Variants in PIEZO2 observed in about 807,000 individuals in gnomAD.
The protein encoded by PIEZO2 is piezo type mechanosensitive ion channel component 2.
Under a neutral mutation model 337.3 loss-of-function variants are expected in PIEZO2, and 172 were observed. The observed-to-expected ratio is 0.51, with a 90% CI of 0.45 to 0.58. The LOEUF (loss-of-function observed/expected upper bound fraction) is 0.58. Among genes scored for constraint, PIEZO2 ranks in the 20% least tolerant of loss-of-function variants. The pLI is 0.00. For synonymous variants in PIEZO2, 1,251 were observed against 1,228.5 expected (o/e 1.02, Z -0.38); for missense variants, 3,028 against 3,391.3 (o/e 0.89, Z 2.66).
At chr18:11,024,997 A>T (rs1426827096) in intron 2 of PIEZO2, among the ~76,000 whole-genome samples, 1 of 151,656 alleles carries the variant, frequency 6.6e-6, no homozygotes, top group African/African-American at 2.4e-5. Context: ...TCCCAAGTTG[A>T]ATGTAGTACA....
In PIEZO2 at chr18:10,748,318, C is replaced by A. The variant is rs547693753; in HGVS notation, c.4424+153G>T. 24 of 729,468 alleles carry A rather than the reference C, an allele frequency of 3.3e-5. No individual in the cohort carries two copies. Among genetic ancestry groups the A allele is most frequent in the South Asian group, 5.7e-5 (3 of 52,948 alleles). 45.2% of individuals were successfully genotyped at this position (729,468 alleles called of 1,614,324 possible). ...TCCTGTTACTATTCTATTTTACAGG[C>A]CTTGTGCTAAATTCTTCTTGGATTG... is the stretch of plus-strand genomic sequence containing the variant. On this transcript the variant is annotated intron_variant, in intron 30 of 55. Coordinates refer to ENST00000674853, the MANE Select transcript of PIEZO2 (RefSeq NM_001378183.1). This position sits in a 1 kb window ranked among gnomAD's most constrained non-coding sequence, Gnocchi z 5.1.
rs376649014 is a variant in PIEZO2 at position 10,682,776 on chromosome 18, TAAA to T, written c.7498-487_7498-485del. On this transcript the variant is annotated intron_variant, in intron 49 of 55. Coordinates refer to ENST00000674853, the MANE Select transcript of PIEZO2 (RefSeq NM_001378183.1). This position sits in a 1 kb window ranked among gnomAD's most constrained non-coding sequence, Gnocchi z 5.6. ...TAATTTAATTCATGACACGTGTTGTTAAAGACAATGTTGTTCGACACCTAAGGT... is the reference window on the plus strand; with the variant it reads ...TAATTTAATTCATGACACGTGTTGTTGACAATGTTGTTCGACACCTAAGGT... Among the ~76,000 whole-genome samples the T allele has an allele frequency of 9.2e-5, 5 of 54,154 alleles. No individual in the cohort carries two copies. Among genetic ancestry groups the T allele is most frequent in the African/African-American group, 1.3e-4 (3 of 23,186 alleles). The allele number at this position is 54,154 out of a possible 152,430, so 35.5% of individuals were successfully genotyped here. A position where few individuals can be genotyped will look rare whatever the true frequency, so the allele number is the denominator to read the frequency against.
chr18:10,681,550 G>C (rs1026046333), intron 51 of PIEZO2, 111 bp downstream of exon 51: 1 of 839,630 alleles, frequency 1.2e-6, no homozygotes, highest in African/African-American at 1.7e-5. Context: ...GATAAACCCT[G>C]AAAAGTCCTC....
At chr18:10,913,042 T>C (rs971164738) in intron 3 of PIEZO2, among the ~76,000 whole-genome samples, 1 of 151,970 alleles carries the variant, frequency 6.6e-6, no homozygotes, top group African/African-American at 2.4e-5. Context: ...GTGGGTCCCA[T>C]GTGAATGTCT....
intron 1 of PIEZO2, among the ~76,000 whole-genome samples, chr18:11,120,140 C>T (rs1002117622): frequency 5.9e-5 from 9 of 152,112 alleles, no homozygotes; most frequent in Non-Finnish European, 8.8e-5. Context: ...CCTAAAATGA[C>T]GACCAGCCAC....
rs1236964601 is a variant in PIEZO2 at position 11,148,505 on chromosome 18, G to A, written c.64+20C>T. 2.0e-6 allele frequency: 3 copies of A among 1,537,026 alleles called. No homozygotes were observed. Among genetic ancestry groups the A allele is most frequent in the East Asian group, 2.4e-5 (1 of 40,880 alleles). On this transcript the variant is annotated intron_variant, in intron 1 of 55. Coordinates refer to ENST00000674853, the MANE Select transcript of PIEZO2 (RefSeq NM_001378183.1). This position sits in a 1 kb window ranked among gnomAD's most constrained non-coding sequence, Gnocchi z 5.2. ...CCCCTCGTCCTCCTCAAGTGCCCTC[G>A]GAAAGCGGACCAGACTCACCTACTG...
At position 10,671,558 on chromosome 18, in the gene PIEZO2, A is replaced by T; in HGVS notation, c.8567T>A (p.Met2856Lys). The change falls in exon 56 of 56, where the codon ATG becomes AAG. Residue 2856 changes from methionine to lysine, a missense_variant. By Grantham distance (95) the Met-to-Lys change is moderately conservative. This residue lies in a region of PIEZO2 where 332 missense variants were observed against 363.8 expected (regional missense o/e 0.91). Transcript: ENST00000674853. ...LIFLYRSPETMIKWTREKTN is the reference protein window; with the variant it reads ...LIFLYRSPETKIKWTREKTN Reference sequence around the variant, plus strand: ...TGTTTTTTCTCTAGTCCATTTGATCATTGTCTCTGGTGAGCGATATAGGAA... The same window carrying T: ...TGTTTTTTCTCTAGTCCATTTGATCTTTGTCTCTGGTGAGCGATATAGGAA... 1 of 1,613,188 alleles carries T rather than the reference A, an allele frequency of 6.2e-7. No homozygotes were observed. Among genetic ancestry groups the T allele is most frequent in the Non-Finnish European group, 8.5e-7 (1 of 1,179,558 alleles).
rs1281530160 is a variant in PIEZO2, at chr18:10,676,987, C to T, written c.8081+760G>A. ...TTGGGCCATATGAACCCAGGTGGACCTGCCAGAGCTCCCACACCTCCAAAT... is the reference window on the plus strand; with the variant it reads ...TTGGGCCATATGAACCCAGGTGGACTTGCCAGAGCTCCCACACCTCCAAAT... On this transcript the variant is annotated intron_variant, in intron 53 of 55. Coordinates refer to ENST00000674853, the MANE Select transcript of PIEZO2 (RefSeq NM_001378183.1). This position sits in a 1 kb window ranked among gnomAD's most constrained non-coding sequence, Gnocchi z 5.1. 6.6e-6 allele frequency among the ~76,000 whole-genome samples: 1 copy of T among 152,184 alleles called. No individual in the cohort carries two copies. Among genetic ancestry groups the T allele is most frequent in the East Asian group, 1.9e-4 (1 of 5,184 alleles).
At chr18:10,879,331 A>G (rs139615166) in intron 4 of PIEZO2, among the ~76,000 whole-genome samples, 1 of 151,894 alleles carries the variant, frequency 6.6e-6, no homozygotes, top group East Asian at 1.9e-4. Context: ...ACACGGAAGC[A>G]CATACTAAAC....
intron 4 of PIEZO2, among the ~76,000 whole-genome samples, chr18:10,876,146 T>C (rs531348879): frequency 1.0e-3 from 158 of 152,384 alleles, no homozygotes; most frequent in African/African-American, 3.6e-3. Flanking sequence ...CTTCAGTGCT[T>C]ACTAAAGTAC....
intron 3 of PIEZO2, among the ~76,000 whole-genome samples, chr18:10,970,170 G>C (rs2145430226): frequency 6.6e-6 from 1 of 152,314 alleles, no homozygotes; most frequent in Middle Eastern, 3.4e-3. Context: ...ATTAACTCGG[G>C]TTATCTGGAG....
chr18:10,833,972 G>A lies in PIEZO2; in HGVS notation c.917+21381C>T, dbSNP rs2040928562. On this transcript the variant is annotated intron_variant, in intron 7 of 55. Coordinates refer to ENST00000674853, the MANE Select transcript of PIEZO2 (RefSeq NM_001378183.1). This position sits in a 1 kb window ranked among gnomAD's most constrained non-coding sequence, Gnocchi z 4.7. ...AAGAGCAGAATAGGAGAGTGATTTA[G>A]AATACAGGCTTCAGAATTAGAGTTT... 6.6e-6 allele frequency among the ~76,000 whole-genome samples: 1 copy of A among 152,216 alleles called. No individual in the cohort carries two copies. The highest frequency in any genetic ancestry group is 2.1e-4 in the South Asian group (1 of 4,832).
At chr18:11,043,227 T>A (rs2037184091) in intron 2 of PIEZO2, among the ~76,000 whole-genome samples, 1 of 138,886 alleles carries the variant, frequency 7.2e-6, no homozygotes, top group African/African-American at 2.8e-5. Flanking sequence ...AGAGGAAATA[T>A]CTCCTCCCTT....
At chr18:10,814,347 A>G (rs2144397751) in intron 7 of PIEZO2, among the ~76,000 whole-genome samples, 1 of 152,282 alleles carries the variant, frequency 6.6e-6, no homozygotes, top group African/African-American at 2.4e-5. Flanking sequence ...TCCTTTTAGG[A>G]AGCCAGGAAA....
intron 39 of PIEZO2, among the ~76,000 whole-genome samples, chr18:10,714,187 A>C (rs911751836): frequency 6.6e-6 from 1 of 152,208 alleles, no homozygotes; most frequent in Non-Finnish European, 1.5e-5. Flanking sequence ...TTAGAGGATA[A>C]AATGAGGTAA....
chr18:10,680,086 G>T, intron 52 of PIEZO2, 113 bp downstream of exon 52: 2 of 880,046 alleles, frequency 2.3e-6, no homozygotes, highest in African/African-American at 1.7e-5. Context: ...GATAAAGTAA[G>T]ATCCACATCA....
At chr18:10,925,646 C>T (rs918986299) in intron 3 of PIEZO2, among the ~76,000 whole-genome samples, 1 of 152,178 alleles carries the variant, frequency 6.6e-6, no homozygotes, top group African/African-American at 2.4e-5. Context: ...GTGGCTCAAT[C>T]TCAGCTCACT....
chr18:11,123,467 G>A (rs547845707), intron 1 of PIEZO2, among the ~76,000 whole-genome samples: 1 of 152,286 alleles, frequency 6.6e-6, no homozygotes, highest in African/African-American at 2.4e-5. Flanking sequence ...CTATATTCAT[G>A]TGAAATGTGA....
In PIEZO2 at chr18:10,795,412, C is replaced by T. The variant is rs74939081; in HGVS notation, c.1528-410G>A. Among the ~76,000 whole-genome samples, 595 of 88,248 alleles carry T rather than the reference C, an allele frequency of 6.7e-3. 4 individuals are homozygous for T. The highest frequency in any genetic ancestry group is 0.021 in the East Asian group (39 of 1,826). 57.9% of individuals were successfully genotyped at this position (88,248 alleles called of 152,430 possible). A position where few individuals can be genotyped will look rare whatever the true frequency, so the allele number is the denominator to read the frequency against. On this transcript the variant is annotated intron_variant, in intron 12 of 55. Transcript: ENST00000674853. This position sits in a 1 kb window ranked among gnomAD's most constrained non-coding sequence, Gnocchi z 4.4. Reference sequence around the variant, plus strand: ...TTATTTTATTTTATTTTATTTTATTCAGCTCTATTGCTTTAAAGAAAAGAC... The same window carrying T: ...TTATTTTATTTTATTTTATTTTATTTAGCTCTATTGCTTTAAAGAAAAGAC...
Sources: allele counts gnomAD v4.1 joint callset (sites outside exome capture counted in the v4.1 genomes callset), GRCh38; gene constraint gnomAD v4.1.1; regional missense constraint gnomAD v4.1.1; non-coding constraint Gnocchi (gnomAD v3.1); transcripts MANE v1.5; gene names NCBI Gene and HGNC (gene_info 2026-07-23, HGNC 2026-07-21).